CKAP2L: variants seen among roughly 807,000 people sequenced by gnomAD.
The protein encoded by CKAP2L is cytoskeleton-associated protein 2-like.
Under a neutral mutation model 65.7 loss-of-function variants are expected in CKAP2L, and 42 were observed. The observed-to-expected ratio is 0.64, with a 90% CI of 0.50 to 0.83. CKAP2L has a LOEUF of 0.83. CKAP2L is among the 40% of genes least tolerant of loss of function. The probability of loss-of-function intolerance (pLI) is 0.00; values close to 1 mark genes in which losing one functional copy is unlikely to be tolerated. For missense variants in CKAP2L, 908 were observed against 871.0 expected, an observed-to-expected ratio of 1.04 and a Z score of -0.53; for synonymous variants, 325 against 313.5, an observed-to-expected ratio of 1.04 and a Z score of -0.39.
Position 112,740,859 on chromosome 2 carries a change from ATGCTGTTC to A in CKAP2L, c.1963_1970del (p.Glu655Ter). ...TCTGTAATTTGATACCAGGATAATT[ATGCTGTTC>A]TGCCTTGGCTATTCGGGGTGTCGCC... is the stretch of plus-strand genomic sequence containing the variant. On this transcript the variant is annotated frameshift_variant, in exon 8 of 9. Coordinates refer to ENST00000302450, the MANE Select transcript of CKAP2L (RefSeq NM_152515.5). LOFTEE classifies it high-confidence loss of function. 1 of 1,613,776 alleles carries A rather than the reference ATGCTGTTC, an allele frequency of 6.2e-7. No individual in the cohort carries two copies. Among genetic ancestry groups the A allele is most frequent in the Non-Finnish European group, 8.5e-7 (1 of 1,179,700 alleles).
Position 112,757,073 on chromosome 2 carries a change from C to G in CKAP2L, c.298G>C (p.Gly100Arg). The G allele has an allele frequency of 3.1e-6, 5 of 1,614,070 alleles. 1 individual carries two copies. ...KPKLEPPKLL[G>R]KRLTSECVSS... ...ACACATTCTGAAGTCAGCCTTTTGCCCAGAAGTTTTGGTGGCTCCAACTTC... is the reference window on the plus strand; with the variant it reads ...ACACATTCTGAAGTCAGCCTTTTGCGCAGAAGTTTTGGTGGCTCCAACTTC... The change falls in exon 4 of 9, where the codon GGC (glycine) becomes CGC (arginine). Residue 100 changes from glycine to arginine, a missense_variant. Physicochemically the swap from Gly to Arg is moderately radical, Grantham distance 125 (BLOSUM62 -2). Transcript: ENST00000302450.
chr2:112,758,664 TGGA>T, intron 3 of CKAP2L, among the ~76,000 whole-genome samples: 1 of 152,236 alleles, frequency 6.6e-6, no homozygotes, highest in Admixed American at 6.5e-5. Context: ...ACTGAAGAGG[TGGA>T]GGGACGTTGG....
rs1680392476 is a variant in CKAP2L at position 112,752,258 on chromosome 2, T to A, written c.1602+9A>T. Reference sequence around the variant, plus strand: ...GCCAAAGCTGGAGGAGCTTATCTTCTTCACTTACCCCTTCGATGAGGTTCA... The same window carrying A: ...GCCAAAGCTGGAGGAGCTTATCTTCATCACTTACCCCTTCGATGAGGTTCA... On this transcript the variant is annotated intron_variant, in intron 5 of 8. Coordinates refer to ENST00000302450, the MANE Select transcript of CKAP2L (RefSeq NM_152515.5). The A allele has an allele frequency of 6.2e-7, 1 of 1,601,864 alleles. No homozygotes were observed. The highest frequency in any genetic ancestry group is 2.2e-5 in the East Asian group (1 of 44,786).
chr2:112,739,304 C>T (rs556157013), intron 8 of CKAP2L, among the ~76,000 whole-genome samples: 41 of 152,108 alleles, frequency 2.7e-4, no homozygotes, highest in African/African-American at 9.9e-4. Context: ...ACCTGTAATC[C>T]CAGCTACTCA....
intron 3 of CKAP2L, among the ~76,000 whole-genome samples, chr2:112,757,958 C>T (rs116530478): frequency 0.017 from 2,532 of 152,178 alleles, 74 homozygotes; most frequent in African/African-American, 0.058. Context: ...TTTTTTAAAC[C>T]ACTGCCTTTG....
chr2:112,754,478 T>C (rs1027919685), intron 4 of CKAP2L, among the ~76,000 whole-genome samples: 1 of 152,220 alleles, frequency 6.6e-6, no homozygotes, highest in Non-Finnish European at 1.5e-5. Context: ...CTTCTAATCA[T>C]AAACGAAGAG....
intron 3 of CKAP2L, among the ~76,000 whole-genome samples, 173 bp from the exon 4 acceptor site, chr2:112,757,387 T>TG (rs1680577148): frequency 2.6e-5 from 1 of 38,196 alleles, no homozygotes; most frequent in Non-Finnish European, 4.7e-5. Flanking sequence ...GTTTTTGTGT[T>TG]TTTTTTTTTT....
Position 112,756,184 on chromosome 2 carries a change from A to G in CKAP2L, c.1187T>C (p.Ile396Thr). 1 of 1,614,120 alleles carries G rather than the reference A, an allele frequency of 6.2e-7. No individual in the cohort carries two copies. Among genetic ancestry groups the G allele is most frequent in the Non-Finnish European group, 8.5e-7 (1 of 1,180,004 alleles). ...ATTACCACTGGTTCCATTTGGTCTTATGCTAGGGGTGCTTGGAATGGCTGA... is the reference window on the plus strand; with the variant it reads ...ATTACCACTGGTTCCATTTGGTCTTGTGCTAGGGGTGCTTGGAATGGCTGA... ...FNSAIPSTPS[I>T]RPNGTSGNKH... The change falls in exon 4 of 9, where the codon ATA (isoleucine) becomes ACA (threonine). Residue 396 changes from isoleucine to threonine, a missense_variant. Physicochemically the swap from Ile to Thr is moderately conservative, Grantham distance 89. Coordinates refer to ENST00000302450, the MANE Select transcript of CKAP2L (RefSeq NM_152515.5).
Position 112,756,559 on chromosome 2 carries a change from C to T in CKAP2L, c.812G>A (p.Gly271Glu). 6.2e-7 allele frequency: 1 copy of T among 1,611,968 alleles called. No homozygotes were observed. The highest frequency in any genetic ancestry group is 8.5e-7 in the Non-Finnish European group (1 of 1,179,320). ...LSRGADLARP[G>E]VKPSRTVPSH... ...GGGAACCGTCCTTGAGGGTTTTACT[C>T]CTGGTCTTGCAAGATCTGCTCCTCT... The change falls in exon 4 of 9, where the codon GGA (glycine) becomes GAA (glutamate). Residue 271 changes from glycine to glutamate, a missense_variant. Gly to Glu is a moderately conservative substitution (Grantham distance 98). Coordinates refer to ENST00000302450, the MANE Select transcript of CKAP2L (RefSeq NM_152515.5).
At chr2:112,752,802 A>G (rs1450588861) in intron 4 of CKAP2L, among the ~76,000 whole-genome samples, 1 of 152,138 alleles carries the variant, frequency 6.6e-6, no homozygotes, top group Non-Finnish European at 1.5e-5. Context: ...ACATCCCTCT[A>G]TTTTTGAGAT....
chr2:112,755,500 T>C (rs1416958259), intron 4 of CKAP2L, among the ~76,000 whole-genome samples: 1 of 152,088 alleles, frequency 6.6e-6, no homozygotes, highest in Non-Finnish European at 1.5e-5. Flanking sequence ...TGCTTGAGCT[T>C]ACTGGCCAAA....
At position 112,737,366 on chromosome 2, in the gene CKAP2L, T is replaced by C. The variant is rs1044726344; in HGVS notation, c.*1457A>G. ...ACAAACAGTGTACTAGGGTTCTCTT[T>C]TCTCCACAATCTCATCAACATTTAT... On this transcript the variant is annotated 3_prime_UTR_variant, in exon 9 of 9. Transcript: ENST00000302450. 6.6e-5 allele frequency: 10 copies of C among 152,226 alleles called. No homozygotes were observed. Among genetic ancestry groups the C allele is most frequent in the Non-Finnish European group, 1.0e-4 (7 of 68,044 alleles). The allele number at this position is 152,226 out of a possible 1,614,324, so 9.4% of individuals were successfully genotyped here. A position where few individuals can be genotyped will look rare whatever the true frequency, so the allele number is the denominator to read the frequency against.
At chr2:112,740,761 G>A (rs1283011289) in intron 8 of CKAP2L, 57 bp downstream of exon 8, 18 of 1,412,072 alleles carry the variant, frequency 1.3e-5, no homozygotes, top group Middle Eastern at 1.8e-4. Context: ...AGGAAAAATC[G>A]AGACTTGGAC....
At chr2:112,745,931 T>C (rs1680187074) in intron 6 of CKAP2L, among the ~76,000 whole-genome samples, 4 of 152,064 alleles carry the variant, frequency 2.6e-5, no homozygotes, top group Admixed American at 2.6e-4. Flanking sequence ...TCTGAAACTA[T>C]AGAGGTTAAT....
At chr2:112,763,406 C>T (rs941209922) in intron 1 of CKAP2L, among the ~76,000 whole-genome samples, 1 of 151,972 alleles carries the variant, frequency 6.6e-6, no homozygotes, top group Non-Finnish European at 1.5e-5. Context: ...GGATAAAATA[C>T]GCCCGGTCTG....
In CKAP2L at chr2:112,752,443, C is replaced by A. The variant is rs1211401901; in HGVS notation, c.1426G>T (p.Gly476Ter). Reference protein sequence around the residue: ...KQLEEWQKSKGKTYKRPPMEL... With the variant: ...KQLEEWQKSK The stretch of plus-strand genomic sequence containing the variant: ...ATAGGAGGCCGTTTATAGGTTTTTC[C>A]CTTAGATTTCTGCCATTCTTCTAGT... The change falls in exon 5 of 9, where the codon GGA (glycine) becomes TGA (stop). Residue 476 changes from glycine (G) to a stop codon, truncating the protein, a stop_gained. Coordinates refer to ENST00000302450, the MANE Select transcript of CKAP2L (RefSeq NM_152515.5). LOFTEE classifies it high-confidence loss of function. 6.2e-7 allele frequency: 1 copy of A among 1,608,758 alleles called. No individual in the cohort carries two copies. The highest frequency in any genetic ancestry group is 8.5e-7 in the Non-Finnish European group (1 of 1,177,608).
intron 8 of CKAP2L, 55 bp from the exon 9 acceptor site, chr2:112,739,103 T>TAAAG: frequency 1.5e-6 from 2 of 1,333,638 alleles, no homozygotes; most frequent in Non-Finnish European, 2.1e-6. Flanking sequence ...AAATTATCTT[T>TAAAG]ATTATTTTTT....
At chr2:112,744,030 T>C (rs1680119938) in intron 6 of CKAP2L, among the ~76,000 whole-genome samples, 1 of 152,332 alleles carries the variant, frequency 6.6e-6, no homozygotes, top group East Asian at 1.9e-4. Context: ...GTACATTTTT[T>C]CAAAATCCAA....
intron 1 of CKAP2L, among the ~76,000 whole-genome samples, chr2:112,763,407 G>A (rs189206480): frequency 6.6e-6 from 1 of 151,876 alleles, no homozygotes; most frequent in Non-Finnish European, 1.5e-5. Context: ...GATAAAATAC[G>A]CCCGGTCTGC....
Sources: allele counts gnomAD v4.1 joint callset (sites outside exome capture counted in the v4.1 genomes callset), GRCh38; gene constraint gnomAD v4.1.1; transcripts MANE v1.5; gene names NCBI Gene and HGNC (gene_info 2026-07-23, HGNC 2026-07-21).